The following NOS1 variants were observed in gnomAD, a reference collection of about 807,000 sequenced individuals.
The protein encoded by NOS1 is nitric oxide synthase 1, also known as NOS type I.
A neutral mutation model predicts 164.5 loss-of-function variants in NOS1; 51 were observed. The observed-to-expected ratio is 0.31, with a 90% CI of 0.25 to 0.39. NOS1 has a LOEUF of 0.39. Ranked by LOEUF, NOS1 falls within the 10% of genes least tolerant of loss-of-function variation. The probability of loss-of-function intolerance (pLI) is 1.00; values close to 1 mark genes in which losing one functional copy is unlikely to be tolerated. For synonymous variants in NOS1, 719 were observed against 745.8 expected (o/e 0.96, Z 0.59); for missense variants, 1,362 against 1,885.6 (o/e 0.72, Z 5.14).
Position 117,330,673 on chromosome 12 carries a change from C to T in NOS1, c.397G>A (p.Val133Met), listed in dbSNP as rs759988872. 127 of 1,613,164 alleles carry T rather than the reference C, an allele frequency of 7.9e-5. No individual in the cohort carries two copies. Among genetic ancestry groups the T allele is most frequent in the Middle Eastern group, 1.7e-4 (1 of 6,056 alleles). The change falls in exon 2 of 29, where the codon GTG becomes ATG. Residue 133 changes from valine (V) to methionine (M), a missense_variant. Around this residue, in one of 4 missense-constraint regions of NOS1, gnomAD observed 362 missense variants for 402.0 expected, o/e 0.90. Transcript: ENST00000317775. This position sits in a 1 kb window ranked among gnomAD's most constrained non-coding sequence, Gnocchi z 4.6. ...TQPLGPPTKA[V>M]DLSHQPPAGK... ...GCCGGTGGCTGGTGGGACAGATCCACGGCTTTGGTGGGGGGACCCAGGGGC... is the reference window on the plus strand; with the variant it reads ...GCCGGTGGCTGGTGGGACAGATCCATGGCTTTGGTGGGGGGACCCAGGGGC...
intron 17 of NOS1, among the ~76,000 whole-genome samples, chr12:117,250,474 C>G (rs2135964715): frequency 6.6e-6 from 1 of 151,636 alleles, no homozygotes; most frequent in East Asian, 1.9e-4. Flanking sequence ...GATTACAGGC[C>G]CCCATAACCA....
chr12:117,250,619 G>A (rs192135227), intron 17 of NOS1, among the ~76,000 whole-genome samples: 6 of 152,236 alleles, frequency 3.9e-5, no homozygotes, highest in East Asian at 1.9e-4. Flanking sequence ...GTGAGCTGCC[G>A]TGCCCAGCCT....
At chr12:117,318,752 C>T (rs898768670) in intron 2 of NOS1, among the ~76,000 whole-genome samples, 1 of 152,136 alleles carries the variant, frequency 6.6e-6, no homozygotes, top group Non-Finnish European at 1.5e-5. Context: ...CACAGGGAGG[C>T]GGGGGCTGCT....
chr12:117,229,567 TCTA>T (rs1440041260), intron 22 of NOS1, among the ~76,000 whole-genome samples: 3 of 100,272 alleles, frequency 3.0e-5, no homozygotes, highest in Non-Finnish European at 7.7e-5. Context: ...AATTCTTCTA[TCTA>T]TCTATCTATC....
chr12:117,288,135 T>C lies in NOS1; in HGVS notation c.1066A>G (p.Lys356Glu). 6.2e-7 allele frequency: 1 copy of C among 1,614,186 alleles called. No individual in the cohort carries two copies. The highest frequency in any genetic ancestry group is 8.5e-7 in the Non-Finnish European group (1 of 1,180,022). ...HARRPEDVRT[K>E]GQLFPLAKEF... The stretch of plus-strand genomic sequence containing the variant: ...TTGGCGAGAGGGAAGAGCTGTCCTT[T>C]TGTGCGGACGTCTTCAGGCCTCCTT... Residue 356 changes from lysine (K) to glutamate (E), a missense_variant, in exon 5 of 29, where the codon AAA (lysine) becomes GAA (glutamate). Transcript: ENST00000317775.
chr12:117,291,730 C>G (rs925882261), intron 3 of NOS1, among the ~76,000 whole-genome samples: 5 of 151,802 alleles, frequency 3.3e-5, no homozygotes, highest in African/African-American at 1.2e-4. Context: ...AGATGGGGGT[C>G]TCACTATGTT....
chr12:117,238,473 C>T (rs1038673360), intron 20 of NOS1, among the ~76,000 whole-genome samples: 1 of 152,088 alleles, frequency 6.6e-6, no homozygotes, highest in African/African-American at 2.4e-5. Flanking sequence ...CCCATTTCTC[C>T]AGGACCCCTC....
chr12:117,242,678 A>G lies in NOS1; in HGVS notation c.2990T>C (p.Val997Ala). 1 of 1,614,016 alleles carries G rather than the reference A, an allele frequency of 6.2e-7. No individual in the cohort carries two copies. Among genetic ancestry groups the G allele is most frequent in the African/African-American group, 1.3e-5 (1 of 74,998 alleles). The part of the protein sequence containing the change: ...QGLSNVHKKR[V>A]SAARLLSRQN... ...ACGGCTAAGGAGCCGGGCAGCTGAG[A>G]CTCGCTTTTTGTGGACATTGGATAG... Residue 997 changes from valine to alanine, a missense_variant, in exon 20 of 29, where the codon GTC becomes GCC. Val to Ala is a moderately conservative substitution (Grantham distance 64). This residue lies in a region of NOS1 where 737 missense variants were observed against 1,030.3 expected (regional missense o/e 0.72). Transcript: ENST00000317775.
At chr12:117,260,778 T>C (rs1441213143) in intron 13 of NOS1, among the ~76,000 whole-genome samples, 169 bp from the exon 14 acceptor site, 12 of 152,126 alleles carry the variant, frequency 7.9e-5, no homozygotes, top group African/African-American at 2.4e-4. Flanking sequence ...AGTCTTTGTG[T>C]TTAAGCACCG....
intron 1 of NOS1, among the ~76,000 whole-genome samples, chr12:117,354,311 T>A (rs1333820410): frequency 2.0e-5 from 3 of 152,220 alleles, no homozygotes; most frequent in Admixed American, 2.0e-4. Context: ...CATTATTTTA[T>A]ACCATGCTTT....
At position 117,280,953 on chromosome 12, in the gene NOS1, G is replaced by C. The variant is rs997215387; in HGVS notation, c.1383-87C>G. ...AAACATGGCGCCACCCAGGGCGACA[G>C]CTGCTTGAGGCTCAGGGTAGATTAC... On this transcript the variant is annotated intron_variant, in intron 7 of 28. Coordinates refer to ENST00000317775, the MANE Select transcript of NOS1 (RefSeq NM_000620.5). 6 of 1,458,168 alleles carry C rather than the reference G, an allele frequency of 4.1e-6. No individual in the cohort carries two copies. The Admixed American group carries it at 1.1e-4, about 28-fold the overall frequency. The allele number at this position is 1,458,168 out of a possible 1,614,324, so 90.3% of individuals were successfully genotyped here. A position where few individuals can be genotyped will look rare whatever the true frequency, so the allele number is the denominator to read the frequency against.
At chr12:117,264,123 G>A in intron 12 of NOS1, 149 bp from the exon 13 acceptor site, 1 of 519,792 alleles carries the variant, frequency 1.9e-6, no homozygotes, top group Non-Finnish European at 3.4e-6. Flanking sequence ...CCACCATGGG[G>A]GAAGGGATGC....
At chr12:117,316,934 G>A (rs1427484702) in intron 2 of NOS1, among the ~76,000 whole-genome samples, 1 of 152,178 alleles carries the variant, frequency 6.6e-6, no homozygotes, top group African/African-American at 2.4e-5. Context: ...AGGTTGGAGT[G>A]CAGTGGCACG....
chr12:117,229,905 T>TG (rs1869062848), intron 22 of NOS1, among the ~76,000 whole-genome samples: 1 of 151,544 alleles, frequency 6.6e-6, no homozygotes, highest in Non-Finnish European at 1.5e-5. Flanking sequence ...TTTATAGAGA[T>TG]GGGGTCTTGC....
chr12:117,296,655 T>TCCC (rs10672770), intron 3 of NOS1, among the ~76,000 whole-genome samples: 129,746 of 151,884 alleles, frequency 0.85, 55,747 homozygotes, highest in African/African-American at 0.95. Context: ...CTTAATAAAC[T>TCCC]CTTTATATAT....
At chr12:117,264,085 T>C in intron 12 of NOS1, 111 bp from the exon 13 acceptor site, 1 of 534,430 alleles carries the variant, frequency 1.9e-6, no homozygotes, top group Non-Finnish European at 3.1e-6. Flanking sequence ...CCTCGGCCTC[T>C]GAAGGGAAGA....
chr12:117,303,806 T>C (rs1377981929), intron 3 of NOS1, among the ~76,000 whole-genome samples: 4 of 152,182 alleles, frequency 2.6e-5, no homozygotes, highest in African/African-American at 9.6e-5. Context: ...GCAGGGAGGA[T>C]GGCCCAACAG....
At chr12:117,229,836 G>A (rs1869055968) in intron 22 of NOS1, among the ~76,000 whole-genome samples, 1 of 152,190 alleles carries the variant, frequency 6.6e-6, no homozygotes. Context: ...TGATCCGCCT[G>A]CCTTGGCCTC....
chr12:117,253,592 A>T, intron 17 of NOS1, 46 bp downstream of exon 17: 1 of 1,316,084 alleles, frequency 7.6e-7, no homozygotes, highest in African/African-American at 1.5e-5. Flanking sequence ...GCTCCCCAGG[A>T]GCCTTAGTCT....
Sources: allele counts gnomAD v4.1 joint callset (sites outside exome capture counted in the v4.1 genomes callset), GRCh38; gene constraint gnomAD v4.1.1; regional missense constraint gnomAD v4.1.1; non-coding constraint Gnocchi (gnomAD v3.1); transcripts MANE v1.5; gene names NCBI Gene and HGNC (gene_info 2026-07-23, HGNC 2026-07-21).